The following SYN3 variants were observed in gnomAD, a reference collection of about 807,000 sequenced individuals.
SYN3 encodes the protein synapsin-3.
A neutral mutation model predicts 65.8 loss-of-function variants in SYN3; 35 were observed. The observed-to-expected ratio is 0.53, with a 90% CI of 0.41 to 0.70. The LOEUF (loss-of-function observed/expected upper bound fraction) is 0.70. Among genes scored for constraint, SYN3 ranks in the 30% least tolerant of loss-of-function variants. The pLI, the probability that SYN3 is intolerant of heterozygous loss-of-function variation, is 0.00. For missense variants in SYN3, 680 were observed against 749.0 expected (o/e 0.91, Z 1.08); for synonymous variants, 270 against 292.9 (o/e 0.92, Z 0.80).
intron 3 of SYN3, among the ~76,000 whole-genome samples, chr22:32,952,098 C>T (rs2051307253): frequency 1.3e-5 from 2 of 152,184 alleles, no homozygotes; most frequent in African/African-American, 2.4e-5. Context: ...TTCAGACTCA[C>T]CTTGCAGACG....
chr22:32,832,673 G>GTATTTTATTT lies in SYN3; in HGVS notation c.711+32232_711+32241dup, dbSNP rs564439917. On this transcript the variant is annotated intron_variant, in intron 6 of 13. Transcript: ENST00000358763. ...CAGAGTCTGGTTTGAAAACCCTCGA[G>GTATTTTATTT]TATTTTATTTTATTTTATTTTATTT... Among the ~76,000 whole-genome samples, 802 of 151,568 alleles carry GTATTTTATTT rather than the reference G, an allele frequency of 5.3e-3. 5 individuals are homozygous for GTATTTTATTT. The highest frequency in any genetic ancestry group is 0.018 in the South Asian group (86 of 4,784).
chr22:32,955,181 C>G (rs558154242), intron 3 of SYN3, among the ~76,000 whole-genome samples: 1 of 152,252 alleles, frequency 6.6e-6, no homozygotes, highest in South Asian at 2.1e-4. Flanking sequence ...ACTACTGGGA[C>G]CTCCAAGAAT....
intron 3 of SYN3, among the ~76,000 whole-genome samples, chr22:32,941,480 G>A (rs935195460): frequency 2.6e-5 from 4 of 152,070 alleles, no homozygotes; most frequent in South Asian, 2.1e-4. Flanking sequence ...GTTCCAAGAT[G>A]GCTGAATAGG....
At chr22:32,886,028 C>T (rs946199940) in intron 4 of SYN3, among the ~76,000 whole-genome samples, 10 of 152,116 alleles carry the variant, frequency 6.6e-5, no homozygotes, top group Admixed American at 3.9e-4. Flanking sequence ...TGAAAGAAGG[C>T]GGGCAACCAA....
chr22:32,800,317 T>C lies in SYN3; in HGVS notation c.711+64598A>G, dbSNP rs547672361. ...AAGATCCCAGCTGCAAATGGCCATT[T>C]GCAGTTAGATGGAACAGCTGCTGAC... is the stretch of plus-strand genomic sequence containing the variant. On this transcript the variant is annotated intron_variant, in intron 6 of 13. Transcript: ENST00000358763. Among the ~76,000 whole-genome samples, 7 of 152,248 alleles carry C rather than the reference T, an allele frequency of 4.6e-5. No individual in the cohort carries two copies. The South Asian group carries it at 1.5e-3, about 32-fold the overall frequency.
At chr22:32,784,740 G>A (rs77544251) in intron 6 of SYN3, among the ~76,000 whole-genome samples, 50 of 152,340 alleles carry the variant, frequency 3.3e-4, no homozygotes, top group African/African-American at 1.2e-3. Flanking sequence ...CTCTACTTAT[G>A]TCAGTGTCCT....
intron 3 of SYN3, among the ~76,000 whole-genome samples, chr22:32,943,262 A>G (rs1251522105): frequency 2.6e-5 from 4 of 152,248 alleles, no homozygotes; most frequent in Non-Finnish European, 4.4e-5. Flanking sequence ...CAGAAACTCT[A>G]CAAGCCAGAA....
At chr22:32,717,888 C>T (rs979505498) in intron 6 of SYN3, among the ~76,000 whole-genome samples, 3 of 152,150 alleles carry the variant, frequency 2.0e-5, no homozygotes, top group African/African-American at 4.8e-5. Context: ...CACCCCGTGG[C>T]GGCCTCATCT....
intron 1 of SYN3, among the ~76,000 whole-genome samples, chr22:33,033,161 T>G (rs561579720): frequency 6.6e-6 from 1 of 152,218 alleles, no homozygotes; most frequent in Admixed American, 6.5e-5. Context: ...TTTGTATTTT[T>G]AGTAGAGACG....
intron 6 of SYN3, among the ~76,000 whole-genome samples, chr22:32,639,982 G>T (rs1312990630): frequency 6.6e-6 from 1 of 152,180 alleles, no homozygotes; most frequent in Admixed American, 6.5e-5. Flanking sequence ...TCATGCTCTT[G>T]CTGCCACTCC....
chr22:32,619,636 A>G (rs997629526), intron 6 of SYN3, among the ~76,000 whole-genome samples: 1 of 152,232 alleles, frequency 6.6e-6, no homozygotes, highest in Non-Finnish European at 1.5e-5. Flanking sequence ...CACTGATAGT[A>G]TCAATTACTG....
At chr22:32,912,173 A>T (rs2050067981) in intron 4 of SYN3, among the ~76,000 whole-genome samples, 1 of 152,180 alleles carries the variant, frequency 6.6e-6, no homozygotes, top group South Asian at 2.1e-4. Context: ...CTCAGTAAAG[A>T]CTGATAGTTG....
At chr22:32,710,336 G>C (rs984881476) in intron 6 of SYN3, among the ~76,000 whole-genome samples, 1 of 151,548 alleles carries the variant, frequency 6.6e-6, no homozygotes, top group African/African-American at 2.4e-5. Flanking sequence ...GGACCTGGTT[G>C]TTTAAAAGTG....
At chr22:32,549,275 A>C (rs1005506454) in intron 7 of SYN3, among the ~76,000 whole-genome samples, 4 of 151,568 alleles carry the variant, frequency 2.6e-5, no homozygotes, top group Non-Finnish European at 5.9e-5. Flanking sequence ...TTTGTTTGAG[A>C]CAGAGTCTCC....
chr22:32,908,098 T>G (rs2049951220), intron 4 of SYN3, among the ~76,000 whole-genome samples: 1 of 152,026 alleles, frequency 6.6e-6, no homozygotes, highest in African/African-American at 2.4e-5. Context: ...TTTCTTTTTT[T>G]TTTTTGAGAC....
chr22:32,905,806 C>A (rs924063395), intron 4 of SYN3, among the ~76,000 whole-genome samples: 2 of 152,304 alleles, frequency 1.3e-5, no homozygotes, highest in East Asian at 3.9e-4. Flanking sequence ...CTAACTTCCC[C>A]GGGTCTTGAA....
Position 32,538,232 on chromosome 22 carries a change from A to G in SYN3, c.918-122T>C, listed in dbSNP as rs567035021. 43 of 797,282 alleles carry G rather than the reference A, an allele frequency of 5.4e-5. 2 individuals carry two copies. In the South Asian group the frequency reaches 5.6e-4, roughly 10 times the overall value. The allele number at this position is 797,282 out of a possible 1,614,324, so 49.4% of individuals were successfully genotyped here. On this transcript the variant is annotated intron_variant, in intron 8 of 13. Transcript: ENST00000358763. ...ATAACTGGCTCACGTAATGGCATGTATTCTTACGTACACACCTTGTCTTCA... is the reference window on the plus strand; with the variant it reads ...ATAACTGGCTCACGTAATGGCATGTGTTCTTACGTACACACCTTGTCTTCA...
intron 13 of SYN3, among the ~76,000 whole-genome samples, chr22:32,516,250 A>G (rs1050237224): frequency 6.6e-6 from 1 of 152,210 alleles, no homozygotes; most frequent in Admixed American, 6.5e-5. Context: ...CACTGAAAGG[A>G]CACATAGGAA....
chr22:33,008,913 A>C (rs2053267628), intron 1 of SYN3, among the ~76,000 whole-genome samples: 1 of 136,108 alleles, frequency 7.3e-6, no homozygotes, highest in African/African-American at 2.8e-5. Context: ...TGACAGAGTA[A>C]GACTTTATCT....
Sources: allele counts gnomAD v4.1 joint callset (sites outside exome capture counted in the v4.1 genomes callset), GRCh38; gene constraint gnomAD v4.1.1; transcripts MANE v1.5; gene names NCBI Gene and HGNC (gene_info 2026-07-23, HGNC 2026-07-21).